Variants in ZNF792 observed in about 807,000 individuals in gnomAD.
ZNF792 encodes zinc finger protein 792.
Under a neutral mutation model 13.1 loss-of-function variants are expected in ZNF792, and 14 were observed. The ratio of observed to expected loss-of-function variants is 1.07; its 90% CI spans 0.71 to 1.67. The LOEUF is 1.67. Among genes scored for constraint, ZNF792 ranks in the 40% most tolerant of loss-of-function variants. The pLI, the probability that ZNF792 is intolerant of heterozygous loss-of-function variation, is 0.00. For missense variants in ZNF792, 740 were observed against 807.9 expected (o/e 0.92, Z 1.02); for synonymous variants, 257 against 292.0 (o/e 0.88, Z 1.22).
rs773133757 is a variant in ZNF792, at chr19:34,958,195, T to C, written c.1660A>G (p.Lys554Glu). The stretch of plus-strand genomic sequence containing the variant: ...TAAGGCCTGTCTGGTTTGTGAACTT[T>C]CAGGTGCTGCCTCAGATTGGACCTC... ...RQRSNLRQHL[K>E]VHKPDRPYEC... is the part of the protein sequence containing the mutation. Residue 554 changes from lysine (K) to glutamate (E), a missense_variant, in exon 4 of 4, where the codon AAA (lysine) becomes GAA (glutamate). Transcript: ENST00000404801. 43 of 1,611,832 alleles carry C rather than the reference T, an allele frequency of 2.7e-5. No individual in the cohort carries two copies. The highest frequency in any genetic ancestry group is 3.6e-5 in the Non-Finnish European group (43 of 1,178,172).
At position 34,957,308 on chromosome 19, in the gene ZNF792, C is replaced by CA. The variant is rs2013446435; in HGVS notation, c.*647dup. 6.6e-6 allele frequency: 1 copy of CA among 152,164 alleles called. No homozygotes were observed. Among genetic ancestry groups the CA allele is most frequent in the Non-Finnish European group, 1.5e-5 (1 of 68,034 alleles). 9.4% of individuals were successfully genotyped at this position (152,164 alleles called of 1,614,324 possible). ...ACAATATTATACCCATAAATTCCTA[C>CA]AATTTTTCCTAGGAGGCCTTGGTGG... is the stretch of plus-strand genomic sequence containing the variant. On this transcript the variant is annotated 3_prime_UTR_variant, in exon 4 of 4. Coordinates refer to ENST00000404801, the MANE Select transcript of ZNF792 (RefSeq NM_175872.5).
At position 34,958,497 on chromosome 19, in the gene ZNF792, C is replaced by A. The variant is rs142169524; in HGVS notation, c.1358G>T (p.Gly453Val). Residue 453 changes from glycine to valine, a missense_variant, in exon 4 of 4, where the codon GGT (glycine) becomes GTT (valine). Transcript: ENST00000404801. ...TCGGCTGAAGGCTTTCCCACACTCA[C>A]CACACCCGTGAGGCCGCTCGCCAGT... ...VHTGERPHGC[G>V]ECGKAFSRSS... The A allele has an allele frequency of 1.3e-6, 2 of 1,594,752 alleles. No individual in the cohort carries two copies. The highest frequency in any genetic ancestry group is 1.7e-6 in the Non-Finnish European group (2 of 1,169,314).
chr19:34,964,015 C>T lies in ZNF792; in HGVS notation c.-353G>A. 1 of 273,676 alleles carries T rather than the reference C, an allele frequency of 3.7e-6. No homozygotes were observed. Among genetic ancestry groups the T allele is most frequent in the South Asian group, 1.1e-4 (1 of 8,934 alleles). 17.0% of individuals were successfully genotyped at this position (273,676 alleles called of 1,614,324 possible). On this transcript the variant is annotated 5_prime_UTR_variant, in exon 1 of 4. Transcript: ENST00000404801. The stretch of plus-strand genomic sequence containing the variant: ...AGCCCCAGCCGCCCCGCCCCCAACT[C>T]GGGGTCCCCAGCTCCTGGGGACTCA...
At position 34,958,327 on chromosome 19, in the gene ZNF792, C is replaced by G; in HGVS notation, c.1528G>C (p.Glu510Gln). Residue 510 changes from glutamate to glutamine, a missense_variant, in exon 4 of 4, where the codon GAA (glutamate) becomes CAA (glutamine). Physicochemically the swap from Glu to Gln is conservative, Grantham distance 29. Transcript: ENST00000404801. The stretch of plus-strand genomic sequence containing the variant: ...CTTTGGTTAAAGAATTTCCCACATT[C>G]ACTGCACTGGTAAGGCCGTTCACCA... Reference protein sequence around the residue: ...HTGERPYQCSECGKFFNQSSS... With the variant: ...HTGERPYQCSQCGKFFNQSSS... The G allele has an allele frequency of 1.2e-6, 2 of 1,613,166 alleles. No individual in the cohort carries two copies. The highest frequency in any genetic ancestry group is 1.7e-6 in the Non-Finnish European group (2 of 1,179,488).
intron 3 of ZNF792, among the ~76,000 whole-genome samples, chr19:34,959,815 T>G (rs1417471606): frequency 2.0e-4 from 31 of 151,860 alleles, no homozygotes; most frequent in Admixed American, 2.0e-3. Flanking sequence ...AGAGGCAGGG[T>G]CTCCCACTCA....
At chr19:34,961,035 T>TC in intron 1 of ZNF792, 41 bp from the exon 2 acceptor site, 1 of 1,582,632 alleles carries the variant, frequency 6.3e-7, no homozygotes, top group East Asian at 2.2e-5. Context: ...TCAGTCTCTG[T>TC]CCTTGGGACT....
In ZNF792 at chr19:34,957,888, ACG is replaced by A; in HGVS notation, c.*66_*67del. 6.8e-7 allele frequency: 1 copy of A among 1,467,684 alleles called. No homozygotes were observed. The highest frequency in any genetic ancestry group is 9.1e-7 in the Non-Finnish European group (1 of 1,101,192). The allele number at this position is 1,467,684 out of a possible 1,614,324, so 90.9% of individuals were successfully genotyped here. ...CTATCACAACCCCAGCAGTGAAAAA[ACG>A]CTGATAAACTCTACAGTAAGAGAAT... On this transcript the variant is annotated 3_prime_UTR_variant, in exon 4 of 4. Coordinates refer to ENST00000404801, the MANE Select transcript of ZNF792 (RefSeq NM_175872.5).
At position 34,958,966 on chromosome 19, in the gene ZNF792, G is replaced by C. The variant is rs1375241203; in HGVS notation, c.889C>G (p.Leu297Val). ...TTGTGAACTTTCTGGTGTTGAGTGA[G>C]GTCAGCGGCGTAAGTGAAGAAGATT... ...CGIFFTYAAD[L>V]TQHQKVHNRG... The change falls in exon 4 of 4, where the codon CTC (leucine) becomes GTC (valine). Residue 297 changes from leucine to valine, a missense_variant. By Grantham distance (32) the Leu-to-Val change is conservative. Transcript: ENST00000404801. 6.2e-7 allele frequency: 1 copy of C among 1,614,058 alleles called. No individual in the cohort carries two copies. The highest frequency in any genetic ancestry group is 1.3e-5 in the African/African-American group (1 of 74,938).
In ZNF792 at chr19:34,960,510, T is replaced by A. The variant is rs1248203876; in HGVS notation, c.161-153A>T. ...TCAGTGATTGGAATTCCTGGCACAG[T>A]CAGGCTTAGGAAATATTAGCAAGAG... On this transcript the variant is annotated intron_variant, in intron 2 of 3. Coordinates refer to ENST00000404801, the MANE Select transcript of ZNF792 (RefSeq NM_175872.5). The A allele has an allele frequency of 8.2e-6, 8 of 972,762 alleles. No homozygotes were observed. In the East Asian group the frequency reaches 2.2e-4, roughly 26 times the overall value. The allele number at this position is 972,762 out of a possible 1,614,324, so 60.3% of individuals were successfully genotyped here. A position where few individuals can be genotyped will look rare whatever the true frequency, so the allele number is the denominator to read the frequency against.
In ZNF792 at chr19:34,958,676, G is replaced by C; in HGVS notation, c.1179C>G (p.Ala393=). The part of the protein sequence containing the change: ...HHKRVHTGRS[A]HECSECGKSF... ...ATTTCCCACATTCACTGCACTCATG[G>C]GCACTTCTGCCCGTATGAACCCTCT... Residue 393 remains alanine (A), a synonymous_variant, in exon 4 of 4, where the codon GCC becomes GCG. Transcript: ENST00000404801. 6.2e-7 allele frequency: 1 copy of C among 1,614,032 alleles called. No homozygotes were observed. The highest frequency in any genetic ancestry group is 1.7e-5 in the Admixed American group (1 of 60,008).
chr19:34,957,850 G>T lies in ZNF792; in HGVS notation c.*106C>A. 2 of 1,157,796 alleles carry T rather than the reference G, an allele frequency of 1.7e-6. No homozygotes were observed. The highest frequency in any genetic ancestry group is 3.3e-5 in the South Asian group (2 of 60,828). The allele number at this position is 1,157,796 out of a possible 1,614,324, so 71.7% of individuals were successfully genotyped here. A position where few individuals can be genotyped will look rare whatever the true frequency, so the allele number is the denominator to read the frequency against. ...TCTTTGGAGAGCTGCAGTGTGTGGT[G>T]CTGACATGGCTTCTATCACAACCCC... On this transcript the variant is annotated 3_prime_UTR_variant, in exon 4 of 4. Coordinates refer to ENST00000404801, the MANE Select transcript of ZNF792 (RefSeq NM_175872.5).
chr19:34,960,744 A>AG, intron 2 of ZNF792, 124 bp downstream of exon 2: 1 of 1,461,202 alleles, frequency 6.8e-7, no homozygotes, highest in Non-Finnish European at 9.4e-7. Flanking sequence ...CAACACACAT[A>AG]CCAGGAAAGT....
At chr19:34,963,284 T>C (rs762521894) in intron 1 of ZNF792, among the ~76,000 whole-genome samples, 10 of 151,990 alleles carry the variant, frequency 6.6e-5, no homozygotes, top group Non-Finnish European at 1.0e-4. Context: ...CCAGCAGACA[T>C]AATATTAATA....
chr19:34,958,617 C>T lies in ZNF792; in HGVS notation c.1238G>A (p.Trp413Ter), dbSNP rs2013474048. Residue 413 changes from tryptophan to a stop codon, truncating the protein, a stop_gained, in exon 4 of 4, where the codon TGG (tryptophan) becomes TAG (stop). Transcript: ENST00000404801. LOFTEE classifies it low-confidence loss of function (END_TRUNC). ...AGGTCTTTCTCCAGTGTGAACTCTC[C>T]AATGTTTAATTAGGCTGGAGTTGCA... is the stretch of plus-strand genomic sequence containing the variant. ...FNCNSSLIKHWRVHTGERPYK... is the reference protein window; with the variant it reads ...FNCNSSLIKH 1 of 1,612,784 alleles carries T rather than the reference C, an allele frequency of 6.2e-7. No homozygotes were observed. Among genetic ancestry groups the T allele is most frequent in the East Asian group, 2.2e-5 (1 of 44,882 alleles).
chr19:34,958,031 G>C lies in ZNF792; in HGVS notation c.1824C>G (p.Asn608Lys). Residue 608 changes from asparagine to lysine, a missense_variant, in exon 4 of 4, where the codon AAC becomes AAG. Coordinates refer to ENST00000404801, the MANE Select transcript of ZNF792 (RefSeq NM_175872.5). ...AGTTGACAGCGCCCTGATAAGGTCT[G>C]TTCTCAGAGCTTATCTCTGGTGTGT... ...SQHTPEISSE[N>K]RPYQGAVNYK... 1 of 1,613,186 alleles carries C rather than the reference G, an allele frequency of 6.2e-7. No individual in the cohort carries two copies.
rs755859560 is a variant in ZNF792, at chr19:34,960,227, C to T, written c.283+8G>A. 1 of 1,613,488 alleles carries T rather than the reference C, an allele frequency of 6.2e-7. No individual in the cohort carries two copies. Among genetic ancestry groups the T allele is most frequent in the South Asian group, 1.1e-5 (1 of 91,060 alleles). On this transcript the variant is annotated splice_region_variant and intron_variant, in intron 3 of 3. Transcript: ENST00000404801. ...TCACATCCTCCCCTAGCTCCCATCG[C>T]TGCTTACCAGAGCCAGGCCTGCCAT...
rs754526907 is a variant in ZNF792 at position 34,960,540 on chromosome 19, G to C, written c.161-183C>G. 9 of 802,130 alleles carry C rather than the reference G, an allele frequency of 1.1e-5. No homozygotes were observed. In the East Asian group the frequency reaches 2.5e-4, roughly 22 times the overall value. The allele number at this position is 802,130 out of a possible 1,614,324, so 49.7% of individuals were successfully genotyped here. A position where few individuals can be genotyped will look rare whatever the true frequency, so the allele number is the denominator to read the frequency against. ...CTTAGGAAATATTAGCAAGAGGAAA[G>C]GCACAGAATCTAAACCACAGAACTG... On this transcript the variant is annotated intron_variant, in intron 2 of 3. Transcript: ENST00000404801.
At chr19:34,963,546 G>A in intron 1 of ZNF792, 84 bp downstream of exon 1, 2 of 1,544,504 alleles carry the variant, frequency 1.3e-6, no homozygotes, top group Non-Finnish European at 1.8e-6. Flanking sequence ...AAAAGTCCTA[G>A]AACAAAGCCA....
At position 34,957,658 on chromosome 19, in the gene ZNF792, G is replaced by A. The variant is rs2013451566; in HGVS notation, c.*298C>T. 1 of 340,224 alleles carries A rather than the reference G, an allele frequency of 2.9e-6. No homozygotes were observed. Among genetic ancestry groups the A allele is most frequent in the Non-Finnish European group, 5.3e-6 (1 of 188,190 alleles). The allele number at this position is 340,224 out of a possible 1,614,324, so 21.1% of individuals were successfully genotyped here. The stretch of plus-strand genomic sequence containing the variant: ...TAGAACAAGCTGTTGGCAAAACCCT[G>A]CTCAGGTCTTCACAGCCAAAAGCTG... On this transcript the variant is annotated 3_prime_UTR_variant, in exon 4 of 4. Coordinates refer to ENST00000404801, the MANE Select transcript of ZNF792 (RefSeq NM_175872.5).
Sources: allele counts gnomAD v4.1 joint callset (sites outside exome capture counted in the v4.1 genomes callset), GRCh38; gene constraint gnomAD v4.1.1; transcripts MANE v1.5; gene names NCBI Gene and HGNC (gene_info 2026-07-23, HGNC 2026-07-21).